The following DLG2 variants were observed in gnomAD, a reference collection of about 807,000 sequenced individuals.
DLG2 encodes the protein discs large MAGUK scaffold protein 2, also known as disks large homolog 2.
In DLG2, 45 loss-of-function variants were observed where a neutral mutation model predicts 132.5. The ratio of observed to expected loss-of-function variants is 0.34; its 90% CI spans 0.27 to 0.44. The LOEUF is 0.44. Among genes scored for constraint, DLG2 ranks in the 20% least tolerant of loss-of-function variants. The pLI is 1.00. For missense variants in DLG2, 1,045 were observed against 1,196.9 expected (o/e 0.87, Z 1.87); for synonymous variants, 424 against 419.6 (o/e 1.01, Z -0.13).
chr11:85,426,086 A>C (rs1304903278), intron 3 of DLG2, among the ~76,000 whole-genome samples: 1 of 152,212 alleles, frequency 6.6e-6, no homozygotes, highest in Non-Finnish European at 1.5e-5. Context: ...AGCAAGGCTG[A>C]GGGAGGGGCG....
chr11:85,020,975 G>A, intron 6 of DLG2: 1 of 778,348 alleles, frequency 1.3e-6, no homozygotes, highest in Non-Finnish European at 2.4e-6. Flanking sequence ...TCACGGAGCT[G>A]CTGCTCTGCT....
At chr11:84,463,028 G>A (rs1338684159) in intron 7 of DLG2, among the ~76,000 whole-genome samples, 4 of 151,162 alleles carry the variant, frequency 2.6e-5, no homozygotes, top group African/African-American at 4.8e-5. Flanking sequence ...TTACAAGGCA[G>A]TCTTCAAAGA....
intron 7 of DLG2, among the ~76,000 whole-genome samples, chr11:84,359,899 A>G (rs2154419560): frequency 6.6e-6 from 1 of 152,072 alleles, no homozygotes; most frequent in East Asian, 1.9e-4. Flanking sequence ...AACTCTGATA[A>G]TTTACATTTT....
At chr11:83,637,515 T>C (rs2065160238) in intron 18 of DLG2, among the ~76,000 whole-genome samples, 4 of 152,210 alleles carry the variant, frequency 2.6e-5, no homozygotes, top group African/African-American at 9.6e-5. Context: ...AGAGGTTAAC[T>C]GACTTCACAA....
chr11:84,150,307 C>A (rs182389252), intron 9 of DLG2, among the ~76,000 whole-genome samples: 35 of 152,152 alleles, frequency 2.3e-4, no homozygotes, highest in Admixed American at 9.2e-4. Context: ...GTTTTTAAAT[C>A]TTTTTGTGGC....
chr11:84,616,985 T>C lies in DLG2; in HGVS notation c.358-82254A>G, dbSNP rs1440566104. Among the ~76,000 whole-genome samples the C allele has an allele frequency of 6.8e-5, 10 of 146,730 alleles. No individual in the cohort carries two copies. The Admixed American group carries it at 6.8e-4, about 10-fold the overall frequency. On this transcript the variant is annotated intron_variant, in intron 6 of 27. Coordinates refer to ENST00000376104, the MANE Select transcript of DLG2 (RefSeq NM_001142699.3). The stretch of plus-strand genomic sequence containing the variant: ...GTTCTTCCTCCTCTCTTCCCTTTCT[T>C]TTTTTTTTTTTAATTATACTTTAAG...
intron 15 of DLG2, among the ~76,000 whole-genome samples, chr11:83,884,696 C>A (rs896774829): frequency 6.6e-6 from 1 of 152,212 alleles, no homozygotes; most frequent in Non-Finnish European, 1.5e-5. Flanking sequence ...AAGGCACCCC[C>A]CAGTAGGGGC....
intron 6 of DLG2, among the ~76,000 whole-genome samples, chr11:84,863,153 G>A (rs2084015610): frequency 6.6e-6 from 1 of 151,898 alleles, no homozygotes; most frequent in Non-Finnish European, 1.5e-5. Flanking sequence ...ACCTTTAATT[G>A]TCCAGGCCCA....
chr11:83,617,272 C>T (rs2060965313), intron 19 of DLG2, among the ~76,000 whole-genome samples: 1 of 152,166 alleles, frequency 6.6e-6, no homozygotes, highest in Non-Finnish European at 1.5e-5. Context: ...CACATTGCAT[C>T]TTCCTATTCA....
chr11:85,487,971 G>C (rs1244541153), intron 3 of DLG2, among the ~76,000 whole-genome samples: 1 of 152,198 alleles, frequency 6.6e-6, no homozygotes, highest in Non-Finnish European at 1.5e-5. Context: ...GAGATAATTA[G>C]AATCATGAGG....
chr11:84,134,703 T>TGTGC (rs2094538832), intron 9 of DLG2, among the ~76,000 whole-genome samples: 1 of 151,714 alleles, frequency 6.6e-6, no homozygotes, highest in Non-Finnish European at 1.5e-5. Flanking sequence ...TGTGTGTGTG[T>TGTGC]GTGTGTGTGT....
At chr11:83,859,438 T>G (rs1595551932) in intron 16 of DLG2, among the ~76,000 whole-genome samples, 1 of 152,192 alleles carries the variant, frequency 6.6e-6, no homozygotes, top group Non-Finnish European at 1.5e-5. Context: ...CCTTGTTATG[T>G]TTTAGCAAAG....
chr11:84,426,211 G>A (rs184483265), intron 7 of DLG2, among the ~76,000 whole-genome samples: 31 of 152,214 alleles, frequency 2.0e-4, no homozygotes, highest in Admixed American at 1.3e-3. Flanking sequence ...TCTTAGTGGC[G>A]CATGAAGCCA....
Position 84,896,044 on chromosome 11 carries a change from A to G in DLG2, c.357+215617T>C, listed in dbSNP as rs189219128. Among the ~76,000 whole-genome samples the G allele has an allele frequency of 2.7e-3, 405 of 152,234 alleles. 4 individuals carry two copies. Among genetic ancestry groups the G allele is most frequent in the Admixed American group, 0.021 (317 of 15,282 alleles). On this transcript the variant is annotated intron_variant, in intron 6 of 27. Coordinates refer to ENST00000376104, the MANE Select transcript of DLG2 (RefSeq NM_001142699.3). ...TTAACTGGTTGATTAGTTAGGAGTG[A>G]GCACAGAAAACAATGAAATTAACAG...
intron 6 of DLG2, among the ~76,000 whole-genome samples, chr11:85,090,439 T>C (rs1481750195): frequency 1.3e-5 from 2 of 152,180 alleles, no homozygotes; most frequent in African/African-American, 2.4e-5. Context: ...AAAGAGTAAA[T>C]AGAAGACATC....
chr11:84,229,946 T>C (rs1162796619), intron 8 of DLG2, among the ~76,000 whole-genome samples: 1 of 152,204 alleles, frequency 6.6e-6, no homozygotes, highest in Non-Finnish European at 1.5e-5. Flanking sequence ...ATTATAAACA[T>C]TTAAGCTAGT....
chr11:84,813,753 C>T (rs190485040), intron 6 of DLG2, among the ~76,000 whole-genome samples: 87 of 152,104 alleles, frequency 5.7e-4, no homozygotes, highest in Admixed American at 8.5e-4. Context: ...TTACACATTA[C>T]GTATTTAAAC....
chr11:84,939,919 C>T (rs2049183427), intron 6 of DLG2, among the ~76,000 whole-genome samples: 1 of 152,074 alleles, frequency 6.6e-6, no homozygotes, highest in Admixed American at 6.5e-5. Context: ...ACACTGATTT[C>T]CCTTCTTTTG....
Position 83,472,904 on chromosome 11 carries a change from C to A in DLG2, c.2294-127G>T, listed in dbSNP as rs2092238637. ...TTCTCCTTGCTCTTTCTCCTTGAAC[C>A]ATTCAAAAATAACTTCATCCTCATA... On this transcript the variant is annotated intron_variant, in intron 22 of 27. Transcript: ENST00000376104. The A allele has an allele frequency of 7.0e-5, 53 of 760,972 alleles. 2 individuals carry two copies. The South Asian group carries it at 8.4e-4, about 12-fold the overall frequency. 47.1% of individuals were successfully genotyped at this position (760,972 alleles called of 1,614,324 possible). A position where few individuals can be genotyped will look rare whatever the true frequency, so the allele number is the denominator to read the frequency against.
Sources: allele counts gnomAD v4.1 joint callset (sites outside exome capture counted in the v4.1 genomes callset), GRCh38; gene constraint gnomAD v4.1.1; transcripts MANE v1.5; gene names NCBI Gene and HGNC (gene_info 2026-07-23, HGNC 2026-07-21).